Variants in TASOR2 observed in about 807,000 individuals in gnomAD.
TASOR2 encodes protein TASOR 2.
Under a neutral mutation model 199.5 loss-of-function variants are expected in TASOR2, and 84 were observed. The observed-to-expected ratio is 0.42, with a 90% confidence interval of 0.35 to 0.50. The LOEUF is 0.50. Ranked by LOEUF, TASOR2 falls within the 20% of genes least tolerant of loss-of-function variation. The probability of loss-of-function intolerance (pLI) is 0.02; values close to 1 mark genes in which losing one functional copy is unlikely to be tolerated. For synonymous variants in TASOR2, 1,103 were observed against 1,046.6 expected (o/e 1.05, Z -1.04); for missense variants, 2,796 against 2,835.9 (o/e 0.99, Z 0.32).
At position 5,717,808 on chromosome 10, in the gene TASOR2, T is replaced by G. The variant is rs533384306; in HGVS notation, c.-100+58T>G. On this transcript the variant is annotated intron_variant, in intron 3 of 20. Transcript: ENST00000328090. ...TTTTAAAGTTTAAGGTTATCTACCT[T>G]TGATATTCTCTGTAGATATTAGTTG... is the stretch of plus-strand genomic sequence containing the variant. 96 of 616,908 alleles carry G rather than the reference T, an allele frequency of 1.6e-4. No individual in the cohort carries two copies. In the African/African-American group the frequency reaches 1.7e-3, roughly 11 times the overall value. The allele number at this position is 616,908 out of a possible 1,614,324, so 38.2% of individuals were successfully genotyped here.
rs191866446 is a variant in TASOR2 at position 5,749,335 on chromosome 10, C to G, written c.5914C>G (p.Gln1972Glu). ...TTGGCAGGTGGCAGACGACCTCACC[C>G]AGAACACTTTAGACCTGGAGTATCT... is the stretch of plus-strand genomic sequence containing the variant. The change falls in exon 15 of 21, where the codon CAG (glutamine) becomes GAG (glutamate). Residue 1972 changes from glutamine (Q) to glutamate (E), a missense_variant. Gln to Glu is a conservative substitution (Grantham distance 29, BLOSUM62 2). Around this residue, in one of 3 missense-constraint regions of TASOR2, gnomAD observed 1,941 missense variants for 1,924.9 expected, o/e 1.01. Transcript: ENST00000328090. 117 of 1,614,234 alleles carry G rather than the reference C, an allele frequency of 7.2e-5. No individual in the cohort carries two copies. In the East Asian group the frequency reaches 8.9e-4, roughly 12 times the overall value.
intron 2 of TASOR2, among the ~76,000 whole-genome samples, chr10:5,715,339 AT>A (rs201044493): frequency 2.6e-5 from 4 of 151,522 alleles, no homozygotes; most frequent in African/African-American, 7.3e-5. Flanking sequence ...ATTTTAGACC[AT>A]TTTTTTCACC....
exon 15 of TASOR2, chr10:5,746,660 A>G (rs903527633): frequency 2.6e-5 from 42 of 1,614,050 alleles, no homozygotes; most frequent in Non-Finnish European, 3.5e-5. Flanking sequence ...ACCTTTAAGA[A>G]GGAGTTGATT....
chr10:5,731,278 C>A, intron 11 of TASOR2, 75 bp downstream of exon 12: 1 of 1,432,174 alleles, frequency 7.0e-7, no homozygotes, highest in Non-Finnish European at 9.4e-7. Context: ...GCCTGTAATC[C>A]CAGCACTTTG....
At chr10:5,728,940 A>T (rs1475152619) in intron 10 of TASOR2, among the ~76,000 whole-genome samples, 1 of 151,988 alleles carries the variant, frequency 6.6e-6, no homozygotes, top group Non-Finnish European at 1.5e-5. Context: ...TTAGTTGTAA[A>T]CTATAAAGTT....
rs537133151 is a variant in TASOR2, at chr10:5,706,542, A to G, written c.-287-6281A>G. On this transcript the variant is annotated intron_variant, in intron 1 of 20. Transcript: ENST00000328090. This position sits in a 1 kb window ranked among gnomAD's most constrained non-coding sequence, Gnocchi z 4.8. ...CTGCTCAAAACAGACAAAATCTTTG[A>G]TCTATCTTTATCCAGAGGATATTGT... Among the ~76,000 whole-genome samples, 1 of 152,212 alleles carries G rather than the reference A, an allele frequency of 6.6e-6. No homozygotes were observed. The highest frequency in any genetic ancestry group is 2.4e-5 in the African/African-American group (1 of 41,448).
chr10:5,722,571 G>T lies in TASOR2; in HGVS notation c.147-1106G>T, dbSNP rs1039528468. Among the ~76,000 whole-genome samples, 1 of 152,290 alleles carries T rather than the reference G, an allele frequency of 6.6e-6. No homozygotes were observed. Among genetic ancestry groups the T allele is most frequent in the Middle Eastern group, 3.4e-3 (1 of 294 alleles). ...AAAGGTTCAGAAAAAAATAATGCGT[G>T]TGTATAGAGAGAGAGAATGACAAAG... On this transcript the variant is annotated intron_variant, in intron 6 of 20. Coordinates refer to ENST00000328090, the Ensembl canonical transcript of TASOR2. The surrounding 1 kb of genome is among the most constrained non-coding windows in gnomAD (Gnocchi z 4.0).
chr10:5,709,645 G>A, intron 1 of TASOR2: 17 of 1,231,028 alleles, frequency 1.4e-5, no homozygotes, highest in Non-Finnish European at 1.7e-5. Context: ...GATCGAGACA[G>A]GGTCCCTATC....
At chr10:5,745,927 A>G (rs1315520040) in intron 14 of TASOR2, among the ~76,000 whole-genome samples, 5 of 152,152 alleles carry the variant, frequency 3.3e-5, no homozygotes. Context: ...TTTTCTTCCA[A>G]AAAGCTTGGA....
Position 5,738,022 on chromosome 10 carries a change from T to TA in TASOR2, c.1448-1595dup, listed in dbSNP as rs748766441. 3.3e-5 allele frequency among the ~76,000 whole-genome samples: 5 copies of TA among 152,248 alleles called. No homozygotes were observed. Among genetic ancestry groups the TA allele is most frequent in the Non-Finnish European group, 7.3e-5 (5 of 68,044 alleles). On this transcript the variant is annotated intron_variant, in intron 12 of 20. Transcript: ENST00000328090. This position sits in a 1 kb window ranked among gnomAD's most constrained non-coding sequence, Gnocchi z 4.7. ...CACCTATGTTAATCATTTTACTTCT[T>TA]ATACTTAAAATATCAACGTTTAAGA... is the stretch of plus-strand genomic sequence containing the variant.
exon 13 of TASOR2, chr10:5,739,821 G>A (rs1430670594): frequency 6.2e-7 from 1 of 1,614,170 alleles, no homozygotes; most frequent in Admixed American, 1.7e-5. Context: ...TTCCACACCA[G>A]TATCTGAGGC....
In TASOR2 at chr10:5,738,157, T is replaced by A. The variant is rs186420252; in HGVS notation, c.1448-1461T>A. 6.6e-6 allele frequency among the ~76,000 whole-genome samples: 1 copy of A among 152,362 alleles called. No individual in the cohort carries two copies. Among genetic ancestry groups the A allele is most frequent in the East Asian group, 1.9e-4 (1 of 5,194 alleles). ...AGTCCTTTTGTTAATGAAACATGAT[T>A]TTCTGTCCTTTTTATTCACTGAACT... On this transcript the variant is annotated intron_variant, in intron 12 of 20. Transcript: ENST00000328090. The surrounding 1 kb of genome is among the most constrained non-coding windows in gnomAD (Gnocchi z 4.7).
At chr10:5,756,586 A>G in intron 15 of TASOR2, 27 bp from the exon 17 acceptor site, 1 of 1,603,728 alleles carries the variant, frequency 6.2e-7, no homozygotes, top group African/African-American at 1.4e-5. Flanking sequence ...CCCTTTTTTT[A>G]ATAATGGCTA....
At chr10:5,743,698 A>G (rs1478559478) in intron 14 of TASOR2, 1 of 152,222 alleles carries the variant, frequency 6.6e-6, no homozygotes, top group Non-Finnish European at 1.5e-5. Flanking sequence ...ATTTAAATTA[A>G]TACATATATA....
At chr10:5,762,482 A>AC (rs1840013594) in intron 19 of TASOR2, 50 bp from the exon 21 acceptor site, 1 of 488,718 alleles carries the variant, frequency 2.0e-6, no homozygotes, top group South Asian at 4.2e-5. Context: ...TGTTATATAA[A>AC]AGTACATTAA....
chr10:5,685,265 T>A lies in TASOR2; in HGVS notation c.-288+90T>A, dbSNP rs1283548688. On this transcript the variant is annotated intron_variant, in intron 1 of 20. Coordinates refer to ENST00000328090, the Ensembl canonical transcript of TASOR2. The surrounding 1 kb of genome is among the most constrained non-coding windows in gnomAD (Gnocchi z 5.4). ...GAGCGCTCGGGCAGCTGCCGGGGCT[T>A]GGCTGCGAGGGTCGACGCGTTCTCC... 1 of 396,768 alleles carries A rather than the reference T, an allele frequency of 2.5e-6. No homozygotes were observed. Among genetic ancestry groups the A allele is most frequent in the Non-Finnish European group, 4.4e-6 (1 of 224,990 alleles). The allele number at this position is 396,768 out of a possible 1,614,324, so 24.6% of individuals were successfully genotyped here.
Position 5,746,855 on chromosome 10 carries a change from C to T in TASOR2, c.3434C>T (p.Thr1145Met), listed in dbSNP as rs749423617. The T allele has an allele frequency of 9.9e-6, 16 of 1,614,046 alleles. No individual in the cohort carries two copies. In the Admixed American group the frequency reaches 1.2e-4, roughly 12 times the overall value. Residue 1145 changes from threonine (T) to methionine (M), a missense_variant, in exon 15 of 21, where the codon ACG (threonine) becomes ATG (methionine). Thr to Met is a moderately conservative substitution (Grantham distance 81). Coordinates refer to ENST00000328090, the Ensembl canonical transcript of TASOR2. ...GCAGTGTGTTCATTACAGAAGGAGA[C>T]GCCCCTTCCAGTCTCTCTACCATCT...
In TASOR2 at chr10:5,752,183, G is replaced by C. The variant is rs887534577; in HGVS notation, c.6606+2156G>C. Among the ~76,000 whole-genome samples, 5 of 152,196 alleles carry C rather than the reference G, an allele frequency of 3.3e-5. No homozygotes were observed. Among genetic ancestry groups the C allele is most frequent in the African/African-American group, 1.2e-4 (5 of 41,444 alleles). On this transcript the variant is annotated intron_variant, in intron 15 of 20. Transcript: ENST00000328090. This position sits in a 1 kb window ranked among gnomAD's most constrained non-coding sequence, Gnocchi z 4.4. The stretch of plus-strand genomic sequence containing the variant: ...CTCAGAGCCCCAACATGTGCAGGTG[G>C]GGGGGATGTTGCTTTTTTGTCATGA...
At chr10:5,757,666 A>G (rs1486210530) in exon 17 of TASOR2, 2 of 1,612,952 alleles carry the variant, frequency 1.2e-6, no homozygotes, top group African/African-American at 2.7e-5. Flanking sequence ...TAGAAGCTGT[A>G]ACATTAGGTT....
Sources: gnomAD v4.1 joint callset for allele counts (sites outside exome capture counted in the v4.1 genomes callset) on GRCh38, gnomAD v4.1.1 for gene constraint, gnomAD v4.1.1 regional missense constraint, Gnocchi (gnomAD v3.1) non-coding constraint, MANE v1.5 for transcripts, NCBI Gene and HGNC (gene_info 2026-07-23, HGNC 2026-07-21) for gene names.